OR4K17: variants seen among roughly 807,000 people sequenced by gnomAD.
OR4K17 encodes the protein olfactory receptor 4K17.
For missense variants in OR4K17, 480 were observed against 366.3 expected (o/e 1.31, Z -2.53); for synonymous variants, 157 against 132.8 (o/e 1.18, Z -1.25).
chr14:20,110,820 A>G lies in OR4K17; in HGVS notation c.-105A>G, dbSNP rs529406059. On this transcript the variant is annotated 5_prime_UTR_variant, in exon 1 of 2. Coordinates refer to ENST00000641386, the MANE Select transcript of OR4K17 (RefSeq NM_001004715.5). Reference sequence around the variant, plus strand: ...AGTGACTTGTTTCTTCTATGGAACTATAAGTTGAGAAGGTGCATGCCCTTC... The same window carrying G: ...AGTGACTTGTTTCTTCTATGGAACTGTAAGTTGAGAAGGTGCATGCCCTTC... 2 of 152,104 alleles carry G rather than the reference A, an allele frequency of 1.3e-5. No individual in the cohort carries two copies. Among genetic ancestry groups the G allele is most frequent in the African/African-American group, 4.8e-5 (2 of 41,528 alleles). 9.4% of individuals were successfully genotyped at this position (152,104 alleles called of 1,614,324 possible). A position where few individuals can be genotyped will look rare whatever the true frequency, so the allele number is the denominator to read the frequency against.
At chr14:20,116,822 T>A (rs1453306276) in intron 1 of OR4K17, among the ~76,000 whole-genome samples, 1 of 152,110 alleles carries the variant, frequency 6.6e-6, no homozygotes, top group African/African-American at 2.4e-5. Context: ...CCATGAGTAG[T>A]AGCAGTCACA....
chr14:20,119,464 C>A lies in OR4K17; in HGVS notation c.*1026C>A, dbSNP rs142385061. Reference sequence around the variant, plus strand: ...TTATGTTCAGAGATTGTAGTAAAGACAGGCATGAGAAATTATACAAATATT... The same window carrying A: ...TTATGTTCAGAGATTGTAGTAAAGAAAGGCATGAGAAATTATACAAATATT... On this transcript the variant is annotated 3_prime_UTR_variant, in exon 2 of 2. Coordinates refer to ENST00000641386, the MANE Select transcript of OR4K17 (RefSeq NM_001004715.5). 6.6e-5 allele frequency: 10 copies of A among 152,306 alleles called. No homozygotes were observed. Among genetic ancestry groups the A allele is most frequent in the African/African-American group, 2.4e-4 (10 of 41,560 alleles). 9.4% of individuals were successfully genotyped at this position (152,306 alleles called of 1,614,324 possible).
At position 20,117,865 on chromosome 14, in the gene OR4K17, A is replaced by G; in HGVS notation, c.366A>G (p.Arg122=). The G allele has an allele frequency of 6.2e-7, 1 of 1,613,994 alleles. No homozygotes were observed. Among genetic ancestry groups the G allele is most frequent in the South Asian group, 1.1e-5 (1 of 91,080 alleles). Residue 122 remains arginine (R), a synonymous_variant, in exon 2 of 2, where the codon AGA becomes AGG. Transcript: ENST00000641386. Reference sequence around the variant, plus strand: ...TGTTGGTCTCCATGGCTTTTGACAGATATGTGGCCATTTGTAAGCCCCTAC... The same window carrying G: ...TGTTGGTCTCCATGGCTTTTGACAGGTATGTGGCCATTTGTAAGCCCCTAC... ...MVLLVSMAFD[R]YVAICKPLHY... is the part of the protein sequence containing the mutation.
chr14:20,113,818 C>T (rs1454663146), intron 1 of OR4K17, among the ~76,000 whole-genome samples: 3 of 151,802 alleles, frequency 2.0e-5, no homozygotes, highest in Non-Finnish European at 2.9e-5. Context: ...TGAAGCCAGT[C>T]GTATAGCTCT....
Position 20,118,538 on chromosome 14 carries a change from A to T in OR4K17, c.*100A>T. ...GGGAACCAGCCCCCAATATTTCAAC[A>T]TAGGTTCTTTTCTATTTTCCCTAAG... On this transcript the variant is annotated 3_prime_UTR_variant, in exon 2 of 2. Transcript: ENST00000641386. The T allele has an allele frequency of 1.5e-6, 1 of 667,266 alleles. No homozygotes were observed. Among genetic ancestry groups the T allele is most frequent in the South Asian group, 2.0e-5 (1 of 49,972 alleles). The allele number at this position is 667,266 out of a possible 1,614,324, so 41.3% of individuals were successfully genotyped here.
intron 1 of OR4K17, among the ~76,000 whole-genome samples, chr14:20,116,495 T>C (rs1309889204): frequency 6.6e-6 from 1 of 152,240 alleles, no homozygotes; most frequent in East Asian, 1.9e-4. Flanking sequence ...ATCAGTGTTA[T>C]GTAAATAAAT....
In OR4K17 at chr14:20,119,558, G is replaced by A. The variant is rs1878108926; in HGVS notation, c.*1120G>A. ...TGTTCTTCTGTCACGGCTTCAGCAG[G>A]TCCCTCTGTTCGGGGTCCCTGACTT... On this transcript the variant is annotated 3_prime_UTR_variant, in exon 2 of 2. Transcript: ENST00000641386. The A allele has an allele frequency of 6.6e-6, 1 of 152,488 alleles. No individual in the cohort carries two copies. Among genetic ancestry groups the A allele is most frequent in the African/African-American group, 2.4e-5 (1 of 41,422 alleles). The allele number at this position is 152,488 out of a possible 1,614,324, so 9.4% of individuals were successfully genotyped here. A position where few individuals can be genotyped will look rare whatever the true frequency, so the allele number is the denominator to read the frequency against.
At position 20,118,190 on chromosome 14, in the gene OR4K17, A is replaced by G; in HGVS notation, c.691A>G (p.Thr231Ala). ...ILITIKNHSP[T>A]GQSKARSTLT... ...CATAACCATTAAGAACCACTCTCCT[A>G]CTGGGCAATCTAAAGCCCGTTCCAC... The change falls in exon 2 of 2, where the codon ACT (threonine) becomes GCT (alanine). Residue 231 changes from threonine (T) to alanine (A), a missense_variant. By Grantham distance (58) the Thr-to-Ala change is moderately conservative. Coordinates refer to ENST00000641386, the MANE Select transcript of OR4K17 (RefSeq NM_001004715.5). 2 of 1,613,986 alleles carry G rather than the reference A, an allele frequency of 1.2e-6. No homozygotes were observed. Among genetic ancestry groups the G allele is most frequent in the Non-Finnish European group, 1.7e-6 (2 of 1,179,910 alleles).
Position 20,118,299 on chromosome 14 carries a change from T to C in OR4K17, c.800T>C (p.Val267Ala). 2 of 1,613,818 alleles carry C rather than the reference T, an allele frequency of 1.2e-6. No individual in the cohort carries two copies. The highest frequency in any genetic ancestry group is 1.7e-6 in the Non-Finnish European group (2 of 1,179,730). The change falls in exon 2 of 2, where the codon GTA becomes GCA. Residue 267 changes from valine (V) to alanine (A), a missense_variant. Val to Ala is a moderately conservative substitution (Grantham distance 64, BLOSUM62 0). Transcript: ENST00000641386. ...ATTTGGCCCTTCGGCAACCACTCTG[T>C]AGATAAGTTCCTTGCTGTGTTTTAT... ...IYIWPFGNHSVDKFLAVFYTI... is the reference protein window; with the variant it reads ...IYIWPFGNHSADKFLAVFYTI...
chr14:20,119,291 A>G lies in OR4K17; in HGVS notation c.*853A>G, dbSNP rs1878101995. 1 of 152,164 alleles carries G rather than the reference A, an allele frequency of 6.6e-6. No individual in the cohort carries two copies. The highest frequency in any genetic ancestry group is 2.4e-5 in the African/African-American group (1 of 41,444). The allele number at this position is 152,164 out of a possible 1,614,324, so 9.4% of individuals were successfully genotyped here. ...ACATGCTTTATGAACAATTTGTGCCATTAACATAATCATCACAGGGTCCTG... is the reference window on the plus strand; with the variant it reads ...ACATGCTTTATGAACAATTTGTGCCGTTAACATAATCATCACAGGGTCCTG... On this transcript the variant is annotated 3_prime_UTR_variant, in exon 2 of 2. Transcript: ENST00000641386.
chr14:20,117,045 T>C (rs925942861), intron 1 of OR4K17, among the ~76,000 whole-genome samples: 1 of 152,156 alleles, frequency 6.6e-6, no homozygotes, highest in East Asian at 1.9e-4. Context: ...CTTAAGGTCA[T>C]TATGGGAAAA....
chr14:20,118,367 A>C lies in OR4K17; in HGVS notation c.868A>C (p.Arg290=). 6.2e-7 allele frequency: 1 copy of C among 1,610,444 alleles called. No individual in the cohort carries two copies. The highest frequency in any genetic ancestry group is 8.5e-7 in the Non-Finnish European group (1 of 1,177,370). Residue 290 remains arginine, a synonymous_variant, in exon 2 of 2, where the codon AGA becomes CGA. Transcript: ENST00000641386. ...PILNPIIYTL[R]NKEMKISMKK... is the part of the protein sequence containing the mutation. The stretch of plus-strand genomic sequence containing the variant: ...CTTGAATCCAATTATCTATACTCTG[A>C]GAAACAAAGAAATGAAGATATCCAT...
Position 20,118,372 on chromosome 14 carries a change from C to G in OR4K17, c.873C>G (p.Asn291Lys), listed in dbSNP as rs570974227. 1.1e-5 allele frequency: 17 copies of G among 1,609,890 alleles called. No individual in the cohort carries two copies. Among genetic ancestry groups the G allele is most frequent in the Non-Finnish European group, 1.4e-5 (17 of 1,177,226 alleles). Residue 291 changes from asparagine (N) to lysine (K), a missense_variant, in exon 2 of 2, where the codon AAC becomes AAG. Coordinates refer to ENST00000641386, the MANE Select transcript of OR4K17 (RefSeq NM_001004715.5). Reference sequence around the variant, plus strand: ...ATCCAATTATCTATACTCTGAGAAACAAAGAAATGAAGATATCCATGAAAA... The same window carrying G: ...ATCCAATTATCTATACTCTGAGAAAGAAAGAAATGAAGATATCCATGAAAA... ...ILNPIIYTLRNKEMKISMKKL... is the reference protein window; with the variant it reads ...ILNPIIYTLRKKEMKISMKKL...
In OR4K17 at chr14:20,120,807, C is replaced by G. The variant is rs1878148707; in HGVS notation, c.*2369C>G. ...ACATTTATGCCAAAACCACCACAAG[C>G]AGTTTCTCAAGCTGGACCCAGTGCC... On this transcript the variant is annotated 3_prime_UTR_variant, in exon 2 of 2. Coordinates refer to ENST00000641386, the MANE Select transcript of OR4K17 (RefSeq NM_001004715.5). The G allele has an allele frequency of 6.6e-6, 1 of 152,408 alleles. No individual in the cohort carries two copies. Among genetic ancestry groups the G allele is most frequent in the Non-Finnish European group, 1.5e-5 (1 of 68,212 alleles). 9.4% of individuals were successfully genotyped at this position (152,408 alleles called of 1,614,324 possible). A position where few individuals can be genotyped will look rare whatever the true frequency, so the allele number is the denominator to read the frequency against.
intron 1 of OR4K17, among the ~76,000 whole-genome samples, chr14:20,115,308 A>G (rs1594194756): frequency 6.6e-6 from 1 of 152,228 alleles, no homozygotes; most frequent in East Asian, 1.9e-4. Flanking sequence ...CATAGCAAAA[A>G]TAATCTCTTT....
In OR4K17 at chr14:20,113,440, G is replaced by A. The variant is rs138359795; in HGVS notation, c.-33+2548G>A. Among the ~76,000 whole-genome samples, 102 of 152,090 alleles carry A rather than the reference G, an allele frequency of 6.7e-4. 1 individual carries two copies. The East Asian group carries it at 0.016, about 24-fold the overall frequency. On this transcript the variant is annotated intron_variant, in intron 1 of 1. Coordinates refer to ENST00000641386, the MANE Select transcript of OR4K17 (RefSeq NM_001004715.5). ...GAATTTGAATCCCATGATTTTATCTGTGTGAATTTTAGCCAGTTAGTAGTA... is the reference window on the plus strand; with the variant it reads ...GAATTTGAATCCCATGATTTTATCTATGTGAATTTTAGCCAGTTAGTAGTA...
In OR4K17 at chr14:20,117,606, T is replaced by G; in HGVS notation, c.107T>G (p.Val36Gly). 6.2e-7 allele frequency: 1 copy of G among 1,613,978 alleles called. No homozygotes were observed. Among genetic ancestry groups the G allele is most frequent in the Non-Finnish European group, 8.5e-7 (1 of 1,179,922 alleles). ...TTTGCCCTCTTCTCGGTTATCTATG[T>G]GGTCACAGTTTTGGGTAACCTTCTT... Reference protein sequence around the residue: ...LLFALFSVIYVVTVLGNLLII... With the variant: ...LLFALFSVIYGVTVLGNLLII... The change falls in exon 2 of 2, where the codon GTG (valine) becomes GGG (glycine). Residue 36 changes from valine (V) to glycine (G), a missense_variant. Coordinates refer to ENST00000641386, the MANE Select transcript of OR4K17 (RefSeq NM_001004715.5).
Position 20,121,486 on chromosome 14 carries a change from T to C in OR4K17, c.*3048T>C, listed in dbSNP as rs1379888067. ...TGTGACAGTAAAAACATAAAATGTGTGGGGGAGGTAGAATAAAAGTGTAGA... is the reference window on the plus strand; with the variant it reads ...TGTGACAGTAAAAACATAAAATGTGCGGGGGAGGTAGAATAAAAGTGTAGA... On this transcript the variant is annotated 3_prime_UTR_variant, in exon 2 of 2. Transcript: ENST00000641386. 1.3e-5 allele frequency: 2 copies of C among 148,324 alleles called. No individual in the cohort carries two copies. Among genetic ancestry groups the C allele is most frequent in the Non-Finnish European group, 2.9e-5 (2 of 67,958 alleles). 9.2% of individuals were successfully genotyped at this position (148,324 alleles called of 1,614,324 possible).
rs543890844 is a variant in OR4K17 at position 20,120,198 on chromosome 14, A to G, written c.*1760A>G. The G allele has an allele frequency of 3.9e-5, 6 of 152,288 alleles. No homozygotes were observed. In the South Asian group the frequency reaches 1.2e-3, roughly 32 times the overall value. The allele number at this position is 152,288 out of a possible 1,614,324, so 9.4% of individuals were successfully genotyped here. A position where few individuals can be genotyped will look rare whatever the true frequency, so the allele number is the denominator to read the frequency against. ...GTTAAATGATTTGGCACTCACTGTG[A>G]GATCATGTTTGGTTCTCTGTCTTCT... On this transcript the variant is annotated 3_prime_UTR_variant, in exon 2 of 2. Coordinates refer to ENST00000641386, the MANE Select transcript of OR4K17 (RefSeq NM_001004715.5).
Sources: allele counts gnomAD v4.1 joint callset (sites outside exome capture counted in the v4.1 genomes callset), GRCh38; gene constraint gnomAD v4.1.1; transcripts MANE v1.5; gene names NCBI Gene and HGNC (gene_info 2026-07-23, HGNC 2026-07-21).